The following AP3D1 variants were observed in gnomAD, a reference collection of about 807,000 sequenced individuals.
The protein encoded by AP3D1 is adaptor related protein complex 3 subunit delta 1.
Under a neutral mutation model 147.6 loss-of-function variants are expected in AP3D1, and 51 were observed. The observed-to-expected ratio is 0.35, with a 90% CI of 0.28 to 0.44. The LOEUF (loss-of-function observed/expected upper bound fraction) is 0.44. AP3D1 is among the 20% of genes least tolerant of loss of function. AP3D1 has a pLI of 1.00. For synonymous variants in AP3D1, 760 were observed against 663.0 expected, an observed-to-expected ratio of 1.15 and a Z score of -2.25; for missense variants, 1,421 against 1,624.2, an observed-to-expected ratio of 0.87 and a Z score of 2.15.
At chr19:2,120,618 T>G (rs1468679422) in intron 14 of AP3D1, among the ~76,000 whole-genome samples, 1 of 151,892 alleles carries the variant, frequency 6.6e-6, no homozygotes, top group Non-Finnish European at 1.5e-5. Context: ...ATCTACAATC[T>G]CCTGGGAACG....
chr19:2,159,681 C>T (rs1176373246), intron 1 of AP3D1, among the ~76,000 whole-genome samples: 1 of 150,778 alleles, frequency 6.6e-6, no homozygotes, highest in Non-Finnish European at 1.5e-5. Context: ...AGCCACCGTG[C>T]CCGGCCGCCT....
intron 1 of AP3D1, among the ~76,000 whole-genome samples, chr19:2,140,145 C>A (rs1347950259): frequency 6.6e-6 from 1 of 152,114 alleles, no homozygotes; most frequent in Admixed American, 6.6e-5. Flanking sequence ...CTCAAAGGGT[C>A]AGGACTGTTG....
exon 1 of AP3D1, chr19:2,164,458 C>T: frequency 2.8e-6 from 1 of 360,052 alleles, no homozygotes; most frequent in South Asian, 1.4e-4. Context: ...AGGGTGGGAG[C>T]CCCGCGCGCC....
intron 1 of AP3D1, among the ~76,000 whole-genome samples, chr19:2,147,973 G>A (rs1038074898): frequency 2.0e-5 from 3 of 151,842 alleles, no homozygotes; most frequent in East Asian, 3.9e-4. Flanking sequence ...CACGAGGACA[G>A]GAGATTGAGA....
intron 26 of AP3D1, 86 bp from the exon 27 acceptor site, chr19:2,110,982 G>T: frequency 7.0e-7 from 1 of 1,427,544 alleles, no homozygotes; most frequent in Non-Finnish European, 9.6e-7. Context: ...GACCACAGAG[G>T]CAGCAGGGGT....
chr19:2,129,880 G>C (rs1012238541), intron 6 of AP3D1, among the ~76,000 whole-genome samples: 35 of 152,154 alleles, frequency 2.3e-4, no homozygotes, highest in Non-Finnish European at 1.5e-5. Context: ...TTAGGGCTGG[G>C]GTCTCCCCTC....
At chr19:2,153,354 A>G (rs2019607751), upstream of AP3D1, among the ~76,000 whole-genome samples, 1 of 149,318 alleles carries the variant, frequency 6.7e-6, no homozygotes, top group African/African-American at 2.5e-5. Flanking sequence ...AGGCTGGGCA[A>G]AAGAGCGAAA....
At chr19:2,156,678 G>A (rs540185238) in intron 1 of AP3D1, among the ~76,000 whole-genome samples, 197 of 152,006 alleles carry the variant, frequency 1.3e-3, no homozygotes, top group Non-Finnish European at 2.2e-3. Context: ...GTGAAACCCC[G>A]TCTCTACTAA....
At chr19:2,124,133 A>G (rs1032256170) in intron 9 of AP3D1, among the ~76,000 whole-genome samples, 6 of 152,224 alleles carry the variant, frequency 3.9e-5, no homozygotes, top group Non-Finnish European at 8.8e-5. Flanking sequence ...CTGTTCCTGC[A>G]AACACTGGTT....
chr19:2,160,641 C>G (rs966680245), intron 1 of AP3D1, among the ~76,000 whole-genome samples: 6 of 152,168 alleles, frequency 3.9e-5, no homozygotes, highest in African/African-American at 1.4e-4. Flanking sequence ...TTGGTCCATT[C>G]ATCCCCAAAG....
At chr19:2,142,525 G>A (rs1435032591) in intron 1 of AP3D1, among the ~76,000 whole-genome samples, 1 of 152,230 alleles carries the variant, frequency 6.6e-6, no homozygotes, top group Admixed American at 6.5e-5. Flanking sequence ...CTTGAGACCA[G>A]GGAGGCCACA....
intron 21 of AP3D1, 81 bp from the exon 22 acceptor site, chr19:2,114,383 T>C: frequency 1.6e-6 from 2 of 1,240,034 alleles, no homozygotes; most frequent in Non-Finnish European, 2.3e-6. Flanking sequence ...TGTCCAAGCA[T>C]GTGGCAGTGC....
At chr19:2,148,315 C>G (rs879795262) in intron 1 of AP3D1, among the ~76,000 whole-genome samples, 1 of 152,102 alleles carries the variant, frequency 6.6e-6, no homozygotes, top group Admixed American at 6.6e-5. Context: ...CACATGAGAC[C>G]ACTACTTCTC....
chr19:2,160,011 T>C (rs2019683112), intron 1 of AP3D1, among the ~76,000 whole-genome samples: 1 of 149,280 alleles, frequency 6.7e-6, no homozygotes, highest in Non-Finnish European at 1.5e-5. Flanking sequence ...CCACTGCGCC[T>C]GGCCATTTTG....
chr19:2,113,462 G>A (rs2018346666), intron 22 of AP3D1, 49 bp from the exon 23 acceptor site: 6 of 1,195,810 alleles, frequency 5.0e-6, no homozygotes, highest in South Asian at 1.8e-5. Flanking sequence ...ATGGTCCTGG[G>A]AAGAGGGGAC....
intron 9 of AP3D1, 114 bp downstream of exon 9, chr19:2,127,036 TCA>T: frequency 1.8e-6 from 2 of 1,137,442 alleles, no homozygotes; most frequent in Non-Finnish European, 2.6e-6. Flanking sequence ...GCTTTCCTTC[TCA>T]GTTCCAGCAG....
In AP3D1 at chr19:2,114,114, A is replaced by G. The variant is rs1191869173; in HGVS notation, c.2601+11T>C. 8 of 1,456,184 alleles carry G rather than the reference A, an allele frequency of 5.5e-6. No individual in the cohort carries two copies. Among genetic ancestry groups the G allele is most frequent in the Admixed American group, 2.1e-5 (1 of 48,416 alleles). The allele number at this position is 1,456,184 out of a possible 1,614,324, so 90.2% of individuals were successfully genotyped here. Reference sequence around the variant, plus strand: ...AATGGAGAAGGCCGCCGCCCTGGGCACTAGCCTTACCTTCTTCTCCTTCTC... The same window carrying G: ...AATGGAGAAGGCCGCCGCCCTGGGCGCTAGCCTTACCTTCTTCTCCTTCTC... On this transcript the variant is annotated intron_variant, in intron 22 of 31. Transcript: ENST00000643116.
At chr19:2,116,571 G>A (rs2145046768) in intron 17 of AP3D1, 34 bp downstream of exon 17, 1 of 1,541,798 alleles carries the variant, frequency 6.5e-7, no homozygotes, top group Non-Finnish European at 8.7e-7. Context: ...GGAGGGAGGA[G>A]ACGAGGGCTC....
intron 1 of AP3D1, among the ~76,000 whole-genome samples, chr19:2,143,290 G>C (rs183187021): frequency 7.3e-6 from 1 of 137,622 alleles, no homozygotes; most frequent in Non-Finnish European, 1.5e-5. Context: ...GCCCAGGCTG[G>C]AGTGCAGCAG....
Sources: allele counts gnomAD v4.1 joint callset (sites outside exome capture counted in the v4.1 genomes callset), GRCh38; gene constraint gnomAD v4.1.1; transcripts MANE v1.5; gene names NCBI Gene and HGNC (gene_info 2026-07-23, HGNC 2026-07-21).